The following SGCD variants were observed in gnomAD, a reference collection of about 807,000 sequenced individuals.
SGCD encodes the protein delta-sarcoglycan.
Under a neutral mutation model 36.6 loss-of-function variants are expected in SGCD, and 18 were observed. The observed-to-expected ratio is 0.49, with a 90% confidence interval of 0.34 to 0.73. SGCD has a LOEUF of 0.73. SGCD is among the 30% of genes least tolerant of loss of function. SGCD has a pLI of 0.01. For missense variants in SGCD, 387 were observed against 346.7 expected (o/e 1.12, Z -0.92); for synonymous variants, 133 against 130.6 (o/e 1.02, Z -0.12).
chr5:156,678,369 T>C (rs1753594494), intron 7 of SGCD, among the ~76,000 whole-genome samples: 2 of 152,170 alleles, frequency 1.3e-5, no homozygotes, highest in Admixed American at 1.3e-4. Context: ...TTATTGGAGG[T>C]AAAGTTTTAG....
intron 1 of SGCD, among the ~76,000 whole-genome samples, chr5:156,059,107 AT>A (rs1760136942): frequency 7.1e-6 from 1 of 141,474 alleles, no homozygotes; most frequent in African/African-American, 2.7e-5. Context: ...CATTTTTTAA[AT>A]AAAAAAAAAA....
At chr5:156,640,447 G>T (rs183921767) in intron 6 of SGCD, among the ~76,000 whole-genome samples, 3 of 128,798 alleles carry the variant, frequency 2.3e-5, no homozygotes, top group Admixed American at 2.2e-4. Context: ...TTTTAAAAAT[G>T]GATTTAAATA....
chr5:156,332,044 A>C (rs567251908), intron 2 of SGCD, among the ~76,000 whole-genome samples: 1 of 152,120 alleles, frequency 6.6e-6, no homozygotes, highest in Non-Finnish European at 1.5e-5. Context: ...CAAAGTCCTT[A>C]TCTGCTTCCC....
At chr5:155,887,429 C>T (rs901847438) in intron 1 of SGCD, among the ~76,000 whole-genome samples, 5 of 152,180 alleles carry the variant, frequency 3.3e-5, no homozygotes, top group Non-Finnish European at 7.3e-5. Flanking sequence ...AAACTAACTA[C>T]GCAAACTTCT....
At chr5:155,850,959 G>A in the SGCD span, among the ~76,000 whole-genome samples, 1 of 152,144 alleles carries the variant, frequency 6.6e-6, no homozygotes, top group East Asian at 1.9e-4. Flanking sequence ...AATGGGGTTG[G>A]GGGAAGTCTA....
intron 3 of SGCD, among the ~76,000 whole-genome samples, chr5:156,452,617 C>A (rs1754070714): frequency 1.3e-5 from 2 of 152,102 alleles, no homozygotes; most frequent in Admixed American, 1.3e-4. Flanking sequence ...TAGATGCATG[C>A]CAAATGAATG....
At chr5:155,917,615 C>T (rs1398000125) in intron 1 of SGCD, among the ~76,000 whole-genome samples, 1 of 152,050 alleles carries the variant, frequency 6.6e-6, no homozygotes, top group African/African-American at 2.4e-5. Context: ...GCCTAACCAA[C>T]TAGAAAGTAG....
At chr5:155,933,032 G>C (rs1757126864) in intron 1 of SGCD, among the ~76,000 whole-genome samples, 1 of 152,196 alleles carries the variant, frequency 6.6e-6, no homozygotes, top group Non-Finnish European at 1.5e-5. Context: ...AAAACCAAGA[G>C]GGTTAGTATG....
At chr5:156,681,626 G>T (rs1753726419) in intron 7 of SGCD, among the ~76,000 whole-genome samples, 1 of 152,198 alleles carries the variant, frequency 6.6e-6, no homozygotes, top group Non-Finnish European at 1.5e-5. Flanking sequence ...GGTATTTGGG[G>T]CAGAGAGTGA....
chr5:155,850,777 C>T, the SGCD span, among the ~76,000 whole-genome samples: 1 of 152,108 alleles, frequency 6.6e-6, no homozygotes, highest in Non-Finnish European at 1.5e-5. Flanking sequence ...TTTCTTTTCA[C>T]AAAGACAGAG....
intron 3 of SGCD, among the ~76,000 whole-genome samples, chr5:156,161,445 G>T (rs1406998276): frequency 1.3e-5 from 2 of 151,816 alleles, no homozygotes; most frequent in African/African-American, 4.9e-5. Flanking sequence ...CCAGTCACAG[G>T]ACTAAGAACT....
At chr5:156,527,899 T>C (rs1026646877) in intron 4 of SGCD, among the ~76,000 whole-genome samples, 1 of 152,196 alleles carries the variant, frequency 6.6e-6, no homozygotes, top group Non-Finnish European at 1.5e-5. Context: ...TAGCCTCATT[T>C]TTTCCAGGTC....
intron 3 of SGCD, among the ~76,000 whole-genome samples, chr5:156,309,778 G>A (rs1010191580): frequency 5.9e-5 from 9 of 151,816 alleles, no homozygotes; most frequent in East Asian, 1.9e-4. Context: ...GAGCCACCAC[G>A]CCCCACCCGA....
intron 3 of SGCD, among the ~76,000 whole-genome samples, chr5:156,497,391 G>A (rs572397283): frequency 1.3e-5 from 2 of 152,144 alleles, no homozygotes; most frequent in Admixed American, 6.5e-5. Context: ...ATTTACTCAC[G>A]CCCAGAGAAA....
intron 3 of SGCD, among the ~76,000 whole-genome samples, chr5:156,177,574 T>C (rs1374037167): frequency 6.6e-6 from 1 of 152,200 alleles, no homozygotes; most frequent in Non-Finnish European, 1.5e-5. Flanking sequence ...TAATGAGCTA[T>C]ATTAAGGGAT....
At chr5:156,052,082 G>C (rs1759932534) in intron 1 of SGCD, among the ~76,000 whole-genome samples, 1 of 146,244 alleles carries the variant, frequency 6.8e-6, no homozygotes, top group African/African-American at 2.5e-5. Flanking sequence ...GGGGAAACAG[G>C]GATCCTCCAT....
intron 1 of SGCD, among the ~76,000 whole-genome samples, chr5:156,090,922 G>T (rs536853239): frequency 4.5e-4 from 68 of 152,072 alleles, no homozygotes; most frequent in Non-Finnish European, 1.3e-4. Context: ...TCCCGACCCC[G>T]CAGGCAGTCA....
chr5:156,111,764 C>T (rs1420435134), intron 1 of SGCD, among the ~76,000 whole-genome samples: 1 of 150,486 alleles, frequency 6.6e-6, no homozygotes, highest in African/African-American at 2.5e-5. Flanking sequence ...TTGTTAAAAG[C>T]AGTGATAGAG....
intron 1 of SGCD, among the ~76,000 whole-genome samples, chr5:155,962,661 T>C (rs1757814847): frequency 6.6e-6 from 1 of 152,116 alleles, no homozygotes; most frequent in African/African-American, 2.4e-5. Flanking sequence ...AGGAGGGCTA[T>C]GGCATGGGTC....
Sources: allele counts gnomAD v4.1 joint callset (sites outside exome capture counted in the v4.1 genomes callset), GRCh38; gene constraint gnomAD v4.1.1; transcripts MANE v1.5; gene names NCBI Gene and HGNC (gene_info 2026-07-23, HGNC 2026-07-21).